Variants in RUFY2 observed in about 807,000 individuals in gnomAD.
RUFY2 encodes RUN and FYVE domain-containing protein 2.
Under a neutral mutation model 94.4 loss-of-function variants are expected in RUFY2, and 49 were observed. The observed-to-expected ratio is 0.52, with a 90% CI of 0.41 to 0.66. The LOEUF is 0.66. Among genes scored for constraint, RUFY2 ranks in the 30% least tolerant of loss-of-function variants. RUFY2 has a pLI of 0.00. For synonymous variants in RUFY2, 255 were observed against 235.7 expected, an observed-to-expected ratio of 1.08 and a Z score of -0.75; for missense variants, 541 against 692.8, an observed-to-expected ratio of 0.78 and a Z score of 2.46.
At chr10:68,375,693 G>A (rs1461502319) in intron 13 of RUFY2, among the ~76,000 whole-genome samples, 4 of 149,572 alleles carry the variant, frequency 2.7e-5, no homozygotes, top group Admixed American at 1.3e-4. Context: ...GGAGAATGGC[G>A]TGAACCCGGG....
chr10:68,361,132 GGT>G (rs2047436157), intron 15 of RUFY2, among the ~76,000 whole-genome samples: 1 of 151,814 alleles, frequency 6.6e-6, no homozygotes, highest in African/African-American at 2.4e-5. Flanking sequence ...AAATTAGCCA[GGT>G]GTGGTGGTGG....
intron 16 of RUFY2, among the ~76,000 whole-genome samples, chr10:68,352,104 A>C (rs981880852): frequency 1.3e-5 from 2 of 151,874 alleles, no homozygotes; most frequent in African/African-American, 4.8e-5. Flanking sequence ...AGGTATATTC[A>C]GATACGCAAA....
intron 16 of RUFY2, among the ~76,000 whole-genome samples, chr10:68,353,433 G>C (rs1242408325): frequency 2.6e-5 from 4 of 151,864 alleles, no homozygotes; most frequent in African/African-American, 7.3e-5. Flanking sequence ...GGAGGCAGAG[G>C]TTGCAGTGAG....
rs151321293 is a variant in RUFY2, at chr10:68,381,956, T to C, written c.940-557A>G. Among the ~76,000 whole-genome samples, 1,299 of 152,352 alleles carry C rather than the reference T, an allele frequency of 8.5e-3. 18 individuals are homozygous for C. The highest frequency in any genetic ancestry group is 0.029 in the African/African-American group (1,216 of 41,578). On this transcript the variant is annotated intron_variant, in intron 10 of 17. Coordinates refer to ENST00000602465, the MANE Select transcript of RUFY2 (RefSeq NM_001330103.2). ...GTCCAAGAATTAATCATTTTTATGC[T>C]TCATAGATTGAATATTAATTTTCCT...
intron 10 of RUFY2, 85 bp downstream of exon 10, chr10:68,383,713 G>A: frequency 6.3e-6 from 6 of 956,846 alleles, no homozygotes; most frequent in Non-Finnish European, 8.4e-6. Context: ...AAAGGATAAG[G>A]CTGAAAAAGA....
intron 12 of RUFY2, chr10:68,379,017 A>G (rs1050321322): frequency 1.1e-5 from 3 of 281,038 alleles, no homozygotes; most frequent in African/African-American, 4.4e-5. Flanking sequence ...CTAAACCACC[A>G]ATTCGGAATG....
At chr10:68,354,236 G>A (rs1345075644) in intron 16 of RUFY2, among the ~76,000 whole-genome samples, 2 of 152,142 alleles carry the variant, frequency 1.3e-5, no homozygotes, top group African/African-American at 4.8e-5. Context: ...GCAGTAAGTA[G>A]CATGATCAAG....
chr10:68,375,121 T>C (rs1275996527), intron 13 of RUFY2, among the ~76,000 whole-genome samples: 1 of 152,106 alleles, frequency 6.6e-6, no homozygotes, highest in Non-Finnish European at 1.5e-5. Context: ...AAGCTGGGCA[T>C]GGTGGCTCAC....
intron 2 of RUFY2, among the ~76,000 whole-genome samples, chr10:68,404,077 G>C (rs745632041): frequency 2.0e-5 from 3 of 152,068 alleles, no homozygotes; most frequent in Non-Finnish European, 2.9e-5. Flanking sequence ...CCAAAACTGT[G>C]AACAGTTATT....
At chr10:68,352,446 A>ACCAG (rs146353137) in intron 16 of RUFY2, among the ~76,000 whole-genome samples, 276 of 152,352 alleles carry the variant, frequency 1.8e-3, no homozygotes, top group African/African-American at 6.3e-3. Context: ...AAACATCAGG[A>ACCAG]CCAGAACAAA....
At chr10:68,370,939 T>C (rs2048225552) in intron 13 of RUFY2, among the ~76,000 whole-genome samples, 1 of 151,862 alleles carries the variant, frequency 6.6e-6, no homozygotes, top group Non-Finnish European at 1.5e-5. Context: ...GAGACCATCC[T>C]GGCTAACATG....
In RUFY2 at chr10:68,383,911, T is replaced by C. The variant is rs1203596684; in HGVS notation, c.826A>G (p.Thr276Ala). The stretch of plus-strand genomic sequence containing the variant: ...AGCTCAGTTTCCACATCTACTTTGG[T>C]AACCTAGGAAGAAAACAAAATTTTT... The part of the protein sequence containing the change: ...LMKTQQHLEV[T>A]KVDVETELQT... Residue 276 changes from threonine (T) to alanine (A), a missense_variant, in exon 10 of 18, where the codon ACC (threonine) becomes GCC (alanine). Physicochemically the swap from Thr to Ala is moderately conservative, Grantham distance 58. This residue lies in a region of RUFY2 where 403 missense variants were observed against 480.7 expected (regional missense o/e 0.84). Coordinates refer to ENST00000602465, the MANE Select transcript of RUFY2 (RefSeq NM_001330103.2). 1.2e-6 allele frequency: 2 copies of C among 1,612,674 alleles called. No homozygotes were observed. The highest frequency in any genetic ancestry group is 1.7e-5 in the Admixed American group (1 of 59,990).
intron 16 of RUFY2, among the ~76,000 whole-genome samples, chr10:68,351,288 C>A (rs138056612): frequency 2.0e-5 from 3 of 151,404 alleles, no homozygotes; most frequent in African/African-American, 7.3e-5. Context: ...TGTGCCACCA[C>A]GCCCGGCTAA....
intron 7 of RUFY2, among the ~76,000 whole-genome samples, chr10:68,392,089 T>C (rs2050040101): frequency 6.6e-6 from 1 of 151,550 alleles, no homozygotes; most frequent in Non-Finnish European, 1.5e-5. Flanking sequence ...TGCAGTGCAA[T>C]GGCACGATCT....
chr10:68,352,281 C>G (rs1005808295), intron 16 of RUFY2, among the ~76,000 whole-genome samples: 5 of 152,078 alleles, frequency 3.3e-5, no homozygotes, highest in Non-Finnish European at 7.4e-5. Context: ...TAAATTCTTA[C>G]AACCTCTATC....
rs996731103 is a variant in RUFY2, at chr10:68,386,127, T to G, written c.652A>C (p.Ser218Arg). ...CTTGAATGGAGGCTGCTGACTGTGC[T>G]GCTGAAATTAAGAAACAAAAAAACT... ...YVEELNRQLNSTVSSLHSRVD... is the reference protein window; with the variant it reads ...YVEELNRQLNRTVSSLHSRVD... The change falls in exon 8 of 18, where the codon AGC becomes CGC. Residue 218 changes from serine to arginine, a missense_variant and splice_region_variant. Ser to Arg is a moderately radical substitution (Grantham distance 110, BLOSUM62 -1). Around this residue, in one of 3 missense-constraint regions of RUFY2, gnomAD observed 403 missense variants for 480.7 expected, o/e 0.84. Coordinates refer to ENST00000602465, the MANE Select transcript of RUFY2 (RefSeq NM_001330103.2). The G allele has an allele frequency of 6.2e-6, 10 of 1,605,804 alleles. No homozygotes were observed. The highest frequency in any genetic ancestry group is 7.6e-6 in the Non-Finnish European group (9 of 1,177,394).
At chr10:68,384,483 CAAAT>C (rs1197968478) in intron 8 of RUFY2, among the ~76,000 whole-genome samples, 13 of 151,946 alleles carry the variant, frequency 8.6e-5, no homozygotes, top group Admixed American at 7.2e-4. Context: ...TCTGAGTAAA[CAAAT>C]AGAGAAATAT....
At chr10:68,361,205 G>A (rs2047443169) in intron 15 of RUFY2, among the ~76,000 whole-genome samples, 1 of 151,870 alleles carries the variant, frequency 6.6e-6, no homozygotes, top group Non-Finnish European at 1.5e-5. Flanking sequence ...AAAGAACCCA[G>A]GAGGCAGAGG....
rs1026252110 is a variant in RUFY2, at chr10:68,401,606, A to G, written c.296+14T>C. ...TTCTGTGGCTAGGGATGAACAAGTA[A>G]TAGGCCTCCTTACTTCAGACCAGGT... On this transcript the variant is annotated intron_variant, in intron 3 of 17. Transcript: ENST00000602465. The G allele has an allele frequency of 2.7e-6, 4 of 1,508,226 alleles. No individual in the cohort carries two copies. In the Admixed American group the frequency reaches 5.0e-5, roughly 19 times the overall value. 93.4% of individuals were successfully genotyped at this position (1,508,226 alleles called of 1,614,324 possible). A position where few individuals can be genotyped will look rare whatever the true frequency, so the allele number is the denominator to read the frequency against.
Sources: gnomAD v4.1 joint callset for allele counts (sites outside exome capture counted in the v4.1 genomes callset) on GRCh38, gnomAD v4.1.1 for gene constraint, gnomAD v4.1.1 regional missense constraint, MANE v1.5 for transcripts, NCBI Gene and HGNC (gene_info 2026-07-23, HGNC 2026-07-21) for gene names.